Variants in PIBF1 observed in about 807,000 individuals in gnomAD.
PIBF1 encodes the protein progesterone-induced-blocking factor 1.
PIBF1 carries 90 observed loss-of-function variants against 112.5 expected under a neutral mutation model. That is an observed-to-expected ratio of 0.80 (90% confidence interval 0.67 to 0.95). The LOEUF is 0.95. PIBF1 is among the 40% of genes least tolerant of loss of function. The pLI is 0.00. For synonymous variants in PIBF1, 301 were observed against 288.6 expected (o/e 1.04, Z -0.44); for missense variants, 915 against 852.3 (o/e 1.07, Z -0.92).
chr13:72,882,444 A>G (rs1300953914), intron 10 of PIBF1, among the ~76,000 whole-genome samples: 1 of 152,208 alleles, frequency 6.6e-6, no homozygotes, highest in Non-Finnish European at 1.5e-5. Context: ...ATGGGATATC[A>G]TCAAGTAGAA....
chr13:73,003,256 A>ATT (rs770419239), intron 17 of PIBF1, among the ~76,000 whole-genome samples: 2 of 145,400 alleles, frequency 1.4e-5, no homozygotes, highest in South Asian at 2.2e-4. Flanking sequence ...AGAAAAAAAA[A>ATT]TTTTTTTTTT....
chr13:72,945,628 G>A (rs1192501985), intron 14 of PIBF1, among the ~76,000 whole-genome samples: 4 of 152,102 alleles, frequency 2.6e-5, no homozygotes, highest in African/African-American at 9.7e-5. Context: ...CTGGTGATTA[G>A]TGATGATCAT....
intron 15 of PIBF1, among the ~76,000 whole-genome samples, chr13:72,969,394 T>C (rs1318742749): frequency 6.6e-6 from 1 of 152,232 alleles, no homozygotes; most frequent in Non-Finnish European, 1.5e-5. Flanking sequence ...TGTCTTGTGT[T>C]TCATAAATTA....
At chr13:72,857,248 A>G (rs1235830630) in intron 10 of PIBF1, among the ~76,000 whole-genome samples, 4 of 152,226 alleles carry the variant, frequency 2.6e-5, no homozygotes, top group African/African-American at 9.6e-5. Flanking sequence ...GATAAATTTC[A>G]TATGGATCAG....
intron 15 of PIBF1, among the ~76,000 whole-genome samples, chr13:72,968,286 G>A (rs907368129): frequency 2.0e-5 from 3 of 151,692 alleles, no homozygotes; most frequent in African/African-American, 7.3e-5. Context: ...TGTTGTTGTT[G>A]TTGTTGTTCT....
chr13:72,908,781 G>C, intron 12 of PIBF1, 100 bp downstream of exon 12: 1 of 1,055,358 alleles, frequency 9.5e-7, no homozygotes, highest in Non-Finnish European at 1.4e-6. Context: ...AGGCACGGTG[G>C]CTCATGCCTG....
At chr13:72,932,982 A>G (rs1250232204) in intron 14 of PIBF1, among the ~76,000 whole-genome samples, 2 of 152,226 alleles carry the variant, frequency 1.3e-5, no homozygotes, top group Admixed American at 6.5e-5. Context: ...CAGTTTTTGG[A>G]ATAAAGCTCA....
chr13:72,914,750 A>C (rs1288052788), intron 12 of PIBF1, among the ~76,000 whole-genome samples: 1 of 151,828 alleles, frequency 6.6e-6, no homozygotes, highest in Admixed American at 6.6e-5. Flanking sequence ...ATGCCCAACT[A>C]ATTATTTTTT....
intron 5 of PIBF1, among the ~76,000 whole-genome samples, chr13:72,803,007 A>T (rs1352431269): frequency 6.6e-6 from 1 of 152,180 alleles, no homozygotes; most frequent in East Asian, 1.9e-4. Flanking sequence ...GTACAGTTAG[A>T]TGAAGACTAA....
chr13:72,924,202 A>T (rs1439610810), intron 13 of PIBF1, among the ~76,000 whole-genome samples: 1 of 152,210 alleles, frequency 6.6e-6, no homozygotes, highest in Non-Finnish European at 1.5e-5. Context: ...AGGAGGTTGA[A>T]TATAGAAGTG....
intron 2 of PIBF1, among the ~76,000 whole-genome samples, chr13:72,791,659 G>T (rs1484661684): frequency 1.3e-5 from 2 of 151,488 alleles, no homozygotes; most frequent in Non-Finnish European, 2.9e-5. Context: ...TTGAGACGGA[G>T]TCTCGCTCTG....
At chr13:72,803,632 A>G (rs2035590877) in intron 5 of PIBF1, among the ~76,000 whole-genome samples, 1 of 152,230 alleles carries the variant, frequency 6.6e-6, no homozygotes, top group African/African-American at 2.4e-5. Flanking sequence ...GTAAAGTGAG[A>G]TAATTTATCT....
rs2036584286 is a variant in PIBF1, at chr13:72,822,095, T to G, written c.806+113T>G. On this transcript the variant is annotated intron_variant, in intron 6 of 17. Coordinates refer to ENST00000326291, the MANE Select transcript of PIBF1 (RefSeq NM_006346.4). ...ATTTTACTTTTACCTTATTCTTCTTTGCACAAATGCATGCAGTTTTGGCAG... is the reference window on the plus strand; with the variant it reads ...ATTTTACTTTTACCTTATTCTTCTTGGCACAAATGCATGCAGTTTTGGCAG... 6.9e-6 allele frequency: 6 copies of G among 871,556 alleles called. No individual in the cohort carries two copies. The South Asian group carries it at 1.1e-4, about 16-fold the overall frequency. 54.0% of individuals were successfully genotyped at this position (871,556 alleles called of 1,614,324 possible). A position where few individuals can be genotyped will look rare whatever the true frequency, so the allele number is the denominator to read the frequency against.
intron 11 of PIBF1, among the ~76,000 whole-genome samples, chr13:72,894,759 T>A (rs2040200577): frequency 8.7e-6 from 1 of 114,658 alleles, no homozygotes; most frequent in Non-Finnish European, 1.7e-5. Context: ...ATATATATAT[T>A]ATATATATAT....
At chr13:72,951,491 T>G (rs769793241) in intron 14 of PIBF1, among the ~76,000 whole-genome samples, 4 of 152,062 alleles carry the variant, frequency 2.6e-5, no homozygotes, top group Non-Finnish European at 5.9e-5. Flanking sequence ...TAAAAACAGA[T>G]TGTGTCTTAT....
chr13:72,999,020 A>G (rs372127070), intron 17 of PIBF1, 25 bp downstream of exon 17: 20 of 1,400,376 alleles, frequency 1.4e-5, no homozygotes, highest in Non-Finnish European at 1.8e-5. Flanking sequence ...TAAAACTCAT[A>G]ATTTTAATAT....
At chr13:72,952,242 C>T (rs529679931) in intron 14 of PIBF1, among the ~76,000 whole-genome samples, 176 of 151,908 alleles carry the variant, frequency 1.2e-3, no homozygotes, top group Non-Finnish European at 2.0e-3. Context: ...TTAGTAGAGA[C>T]AGGGTTTTGC....
At chr13:72,957,836 C>A (rs2042490458) in intron 14 of PIBF1, among the ~76,000 whole-genome samples, 1 of 151,948 alleles carries the variant, frequency 6.6e-6, no homozygotes, top group African/African-American at 2.4e-5. Flanking sequence ...ATAGTCCCAA[C>A]TACTTGGGAG....
chr13:72,879,777 T>G (rs1055360423), intron 10 of PIBF1, among the ~76,000 whole-genome samples: 5 of 151,498 alleles, frequency 3.3e-5, no homozygotes, highest in African/African-American at 7.3e-5. Flanking sequence ...GTTTGTGTGG[T>G]TTTTTTTAAT....
Sources: gnomAD v4.1 joint callset for allele counts (sites outside exome capture counted in the v4.1 genomes callset) on GRCh38, gnomAD v4.1.1 for gene constraint, MANE v1.5 for transcripts, NCBI Gene and HGNC (gene_info 2026-07-23, HGNC 2026-07-21) for gene names.